Variants in MNAT1 observed in about 807,000 individuals in gnomAD.
The protein encoded by MNAT1 is CDK-activating kinase assembly factor MAT1.
In MNAT1, 43 loss-of-function variants were observed where a neutral mutation model predicts 42.0. That is an observed-to-expected ratio of 1.02 (90% CI 0.80 to 1.32). MNAT1 has a LOEUF of 1.32. Among genes scored for constraint, MNAT1 ranks in the 40% most tolerant of loss-of-function variants. MNAT1 has a pLI of 0.00. For synonymous variants in MNAT1, 118 were observed against 120.0 expected, an observed-to-expected ratio of 0.98 and a Z score of 0.11; for missense variants, 306 against 350.4, an observed-to-expected ratio of 0.87 and a Z score of 1.01.
chr14:60,903,785 T>C (rs1368530522), intron 7 of MNAT1, among the ~76,000 whole-genome samples: 1 of 152,124 alleles, frequency 6.6e-6, no homozygotes, highest in Non-Finnish European at 1.5e-5. Context: ...ATTGACTTAT[T>C]ATATATGGAT....
At chr14:60,761,020 C>T (rs2030575669) in intron 1 of MNAT1, among the ~76,000 whole-genome samples, 1 of 152,158 alleles carries the variant, frequency 6.6e-6, no homozygotes, top group South Asian at 2.1e-4. Flanking sequence ...CTCTTTTGGC[C>T]ATTGTACTTT....
intron 6 of MNAT1, among the ~76,000 whole-genome samples, chr14:60,824,544 TAGG>T (rs1174123285): frequency 2.6e-5 from 4 of 152,182 alleles, no homozygotes; most frequent in Non-Finnish European, 5.9e-5. Context: ...GTATTTGAAT[TAGG>T]AGGCAATAAA....
chr14:60,811,959 C>T, intron 4 of MNAT1, 28 bp from the exon 5 acceptor site: 1 of 1,534,268 alleles, frequency 6.5e-7, no homozygotes, highest in South Asian at 1.4e-5. Flanking sequence ...TAAATTTATT[C>T]CACGCCATAT....
chr14:60,819,891 C>G (rs1566780229), intron 6 of MNAT1, among the ~76,000 whole-genome samples: 1 of 152,038 alleles, frequency 6.6e-6, no homozygotes, highest in Non-Finnish European at 1.5e-5. Context: ...ACAAAGTACA[C>G]AGTATAGTAC....
intron 6 of MNAT1, among the ~76,000 whole-genome samples, chr14:60,844,928 T>G (rs2033646089): frequency 6.6e-6 from 1 of 152,078 alleles, no homozygotes; most frequent in African/African-American, 2.4e-5. Flanking sequence ...ATTGATTCAT[T>G]TTTATATATT....
At position 60,923,165 on chromosome 14, in the gene MNAT1, A is replaced by C. The variant is rs530891832; in HGVS notation, c.809+43330A>C. On this transcript the variant is annotated intron_variant, in intron 7 of 7. Transcript: ENST00000261245. Reference sequence around the variant, plus strand: ...TCAAAGGGATCCTGATTCCCAATAGAGGACCTAGAGTAGTGGTCTCAAACC... The same window carrying C: ...TCAAAGGGATCCTGATTCCCAATAGCGGACCTAGAGTAGTGGTCTCAAACC... Among the ~76,000 whole-genome samples the C allele has an allele frequency of 2.0e-5, 3 of 152,306 alleles. No individual in the cohort carries two copies. In the South Asian group the frequency reaches 6.2e-4, roughly 32 times the overall value.
intron 1 of MNAT1, among the ~76,000 whole-genome samples, chr14:60,768,652 A>T (rs1028076469): frequency 6.6e-6 from 1 of 152,204 alleles, no homozygotes; most frequent in Admixed American, 6.5e-5. Flanking sequence ...TTTATTCGTT[A>T]TCTCATTTAA....
rs1377060350 is a variant in MNAT1, at chr14:60,969,321, A to G, written c.*972A>G. ...TGGGATATAGTTTCTTAAGGAAATT[A>G]AGGGATTTCCTATCAAATCTCTATT... On this transcript the variant is annotated 3_prime_UTR_variant, in exon 8 of 8. Transcript: ENST00000261245. 6.6e-6 allele frequency: 1 copy of G among 152,194 alleles called. No individual in the cohort carries two copies. The highest frequency in any genetic ancestry group is 1.9e-4 in the East Asian group (1 of 5,196). The allele number at this position is 152,194 out of a possible 1,614,324, so 9.4% of individuals were successfully genotyped here. A position where few individuals can be genotyped will look rare whatever the true frequency, so the allele number is the denominator to read the frequency against.
In MNAT1 at chr14:60,799,737, A is replaced by ATGTG. The variant is rs147905766; in HGVS notation, c.316+1591_316+1594dup. Among the ~76,000 whole-genome samples the ATGTG allele has an allele frequency of 4.4e-3, 663 of 150,314 alleles. 7 individuals are homozygous for ATGTG. The highest frequency in any genetic ancestry group is 0.014 in the African/African-American group (589 of 41,148). On this transcript the variant is annotated intron_variant, in intron 3 of 7. Transcript: ENST00000261245. ...ATATACACACACACACTGCATATAT[A>ATGTG]TGTGTGTGTGTGTGTGTTGCTCCAA...
At chr14:60,870,349 A>C (rs981962187) in intron 6 of MNAT1, among the ~76,000 whole-genome samples, 3 of 152,082 alleles carry the variant, frequency 2.0e-5, no homozygotes, top group Admixed American at 1.3e-4. Flanking sequence ...TATGGGTATT[A>C]CCTAAAGTTG....
At chr14:60,838,586 C>T (rs558483004) in intron 6 of MNAT1, among the ~76,000 whole-genome samples, 36 of 152,340 alleles carry the variant, frequency 2.4e-4, no homozygotes, top group African/African-American at 8.7e-4. Flanking sequence ...AAGACACCAG[C>T]TGCAGTGGGG....
chr14:60,835,439 A>C (rs2033364331), intron 6 of MNAT1, among the ~76,000 whole-genome samples: 1 of 152,096 alleles, frequency 6.6e-6, no homozygotes, highest in Non-Finnish European at 1.5e-5. Context: ...AGGTTTGGTG[A>C]TGACAAAATC....
At chr14:60,949,035 A>G (rs1484200286) in intron 7 of MNAT1, among the ~76,000 whole-genome samples, 1 of 152,192 alleles carries the variant, frequency 6.6e-6, no homozygotes, top group African/African-American at 2.4e-5. Context: ...TTTAAAATTT[A>G]TTTTTAATAA....
intron 7 of MNAT1, among the ~76,000 whole-genome samples, chr14:60,897,395 G>A (rs972132946): frequency 1.3e-5 from 2 of 152,016 alleles, no homozygotes; most frequent in African/African-American, 4.8e-5. Flanking sequence ...ATAATCATAT[G>A]TAAAGCTGAG....
chr14:60,755,645 A>G (rs2030318609), intron 1 of MNAT1, among the ~76,000 whole-genome samples: 1 of 152,210 alleles, frequency 6.6e-6, no homozygotes, highest in Non-Finnish European at 1.5e-5. Flanking sequence ...TAAGGATCAG[A>G]AATTGTCCAT....
At chr14:60,761,080 T>G (rs1008872924) in intron 1 of MNAT1, among the ~76,000 whole-genome samples, 4 of 152,252 alleles carry the variant, frequency 2.6e-5, no homozygotes, top group African/African-American at 9.6e-5. Context: ...TGTATTAATA[T>G]GTAATGTGTT....
intron 1 of MNAT1, among the ~76,000 whole-genome samples, chr14:60,760,146 C>G (rs906657941): frequency 6.6e-6 from 1 of 151,914 alleles, no homozygotes; most frequent in African/African-American, 2.4e-5. Context: ...ATGATATGGT[C>G]ATATTATTTG....
chr14:60,769,892 T>G (rs2030987546), intron 1 of MNAT1, among the ~76,000 whole-genome samples: 1 of 152,186 alleles, frequency 6.6e-6, no homozygotes, highest in African/African-American at 2.4e-5. Flanking sequence ...CTTGAACTCC[T>G]GAGGTCAAGC....
At chr14:60,889,991 A>G (rs990814402) in intron 7 of MNAT1, among the ~76,000 whole-genome samples, 7 of 152,230 alleles carry the variant, frequency 4.6e-5, no homozygotes, top group African/African-American at 1.4e-4. Flanking sequence ...GAACACTTTT[A>G]CACTGTTGGT....
Sources: allele counts gnomAD v4.1 joint callset (sites outside exome capture counted in the v4.1 genomes callset), GRCh38; gene constraint gnomAD v4.1.1; transcripts MANE v1.5; gene names NCBI Gene and HGNC (gene_info 2026-07-23, HGNC 2026-07-21).